CSMD1: variants seen among roughly 807,000 people sequenced by gnomAD.
CSMD1 encodes the protein CUB and sushi domain-containing protein 1.
In CSMD1, 213 loss-of-function variants were observed where a neutral mutation model predicts 417.5. That is an observed-to-expected ratio of 0.51 (90% CI 0.46 to 0.57). The LOEUF (loss-of-function observed/expected upper bound fraction) is 0.57, where lower values mean the gene tolerates loss of function less well. Among genes scored for constraint, CSMD1 ranks in the 20% least tolerant of loss-of-function variants. The pLI is 0.00. For synonymous variants in CSMD1, 2,862 were observed against 1,736.8 expected (o/e 1.65, Z -16.11); for missense variants, 6,923 against 4,529.7 (o/e 1.53, Z -15.17).
At chr8:2,990,567 C>G (rs1044589293) in intron 54 of CSMD1, among the ~76,000 whole-genome samples, 4 of 152,132 alleles carry the variant, frequency 2.6e-5, no homozygotes, top group Admixed American at 1.3e-4. Context: ...TTCAAGCTGA[C>G]CAGACCACCC....
intron 33 of CSMD1, among the ~76,000 whole-genome samples, chr8:3,192,049 T>C (rs1279422025): frequency 2.0e-5 from 3 of 152,198 alleles, no homozygotes; most frequent in Non-Finnish European, 2.9e-5. Flanking sequence ...ATTATTTGGG[T>C]AACTGCTGCT....
At chr8:4,491,893 G>C (rs1154090) in intron 2 of CSMD1, among the ~76,000 whole-genome samples, 129,024 of 152,180 alleles carry the variant, frequency 0.85, 55,096 homozygotes, top group Middle Eastern at 0.94. Context: ...GAGTTGAAAA[G>C]TTATGTTCAC....
chr8:3,730,025 C>G (rs1322752755), intron 6 of CSMD1, among the ~76,000 whole-genome samples: 4 of 147,038 alleles, frequency 2.7e-5, no homozygotes, highest in Admixed American at 2.0e-4. Context: ...AATCTTTGGT[C>G]GAAGCGCTGC....
At chr8:4,934,918 A>T (rs1470339343) in intron 1 of CSMD1, among the ~76,000 whole-genome samples, 1 of 152,218 alleles carries the variant, frequency 6.6e-6, no homozygotes, top group Non-Finnish European at 1.5e-5. Flanking sequence ...TGTATCAATC[A>T]GCAATCATCC....
In CSMD1 at chr8:4,328,631, C is replaced by G. The variant is rs78611440; in HGVS notation, c.415+91322G>C. Among the ~76,000 whole-genome samples the G allele has an allele frequency of 6.4e-3, 958 of 149,454 alleles. 7 individuals carry two copies. The highest frequency in any genetic ancestry group is 0.023 in the African/African-American group (919 of 40,174). ...TGTTTTGAAATATTTACCATGCTTACTTACCAAGAATAACATCACTTTTTC... is the reference window on the plus strand; with the variant it reads ...TGTTTTGAAATATTTACCATGCTTAGTTACCAAGAATAACATCACTTTTTC... On this transcript the variant is annotated intron_variant, in intron 3 of 69. Transcript: ENST00000635120.
At chr8:4,892,225 C>T (rs924037890) in intron 1 of CSMD1, among the ~76,000 whole-genome samples, 2 of 152,048 alleles carry the variant, frequency 1.3e-5, no homozygotes, top group Non-Finnish European at 2.9e-5. Context: ...AATACATTGC[C>T]AATAAAATAG....
At chr8:3,835,983 A>T (rs1286864412) in intron 5 of CSMD1, among the ~76,000 whole-genome samples, 1 of 151,898 alleles carries the variant, frequency 6.6e-6, no homozygotes, top group East Asian at 1.9e-4. Context: ...CTCTCTTATT[A>T]TTTCTATAAG....
intron 49 of CSMD1, among the ~76,000 whole-genome samples, chr8:3,078,163 T>C (rs11998622): frequency 0.34 from 52,476 of 152,116 alleles, 9,182 homozygotes; most frequent in East Asian, 0.42. Flanking sequence ...GATTCTTTTA[T>C]AAAATATTAT....
intron 26 of CSMD1, among the ~76,000 whole-genome samples, chr8:3,263,356 G>A (rs1485259087): frequency 1.3e-5 from 2 of 152,118 alleles, no homozygotes; most frequent in African/African-American, 4.8e-5. Flanking sequence ...GCCTTGACCT[G>A]CCAAAGTGCT....
chr8:3,275,862 C>A lies in CSMD1; in HGVS notation c.4153+8282G>T, dbSNP rs183595331. Among the ~76,000 whole-genome samples the A allele has an allele frequency of 1.7e-3, 261 of 152,140 alleles. 1 individual carries two copies. Among genetic ancestry groups the A allele is most frequent in the African/African-American group, 5.9e-3 (243 of 41,496 alleles). The stretch of plus-strand genomic sequence containing the variant: ...TTTTTCATAGTTTTCAACTTCTTTG[C>A]CTTTGGTTTGAATGTCCTCCTGTAG... On this transcript the variant is annotated intron_variant, in intron 26 of 69. Transcript: ENST00000635120.
At chr8:4,264,964 T>G (rs1399721815) in intron 3 of CSMD1, among the ~76,000 whole-genome samples, 1 of 152,156 alleles carries the variant, frequency 6.6e-6, no homozygotes, top group Non-Finnish European at 1.5e-5. Context: ...CAGGATAAAA[T>G]ATGCAGCTGA....
At chr8:3,817,191 A>G (rs1801422324) in intron 5 of CSMD1, among the ~76,000 whole-genome samples, 1 of 147,356 alleles carries the variant, frequency 6.8e-6, no homozygotes, top group Non-Finnish European at 1.5e-5. Flanking sequence ...CCCCAATGAA[A>G]ATGGTCAATT....
At chr8:3,105,006 A>C (rs1816032753) in intron 46 of CSMD1, among the ~76,000 whole-genome samples, 2 of 152,244 alleles carry the variant, frequency 1.3e-5, no homozygotes, top group Admixed American at 1.3e-4. Context: ...GCGCCCGGCC[A>C]GTTATCAGAC....
chr8:4,203,578 G>T (rs771515023), intron 3 of CSMD1, among the ~76,000 whole-genome samples: 1 of 152,098 alleles, frequency 6.6e-6, no homozygotes, highest in African/African-American at 2.4e-5. Flanking sequence ...CAGTGTAGCT[G>T]GGAGACTTAG....
At chr8:3,565,203 T>TAGATAGAC (rs1554471755) in intron 10 of CSMD1, among the ~76,000 whole-genome samples, 1 of 106,870 alleles carries the variant, frequency 9.4e-6, no homozygotes, top group Non-Finnish European at 1.8e-5. Flanking sequence ...GATAGACAGA[T>TAGATAGAC]AGATAGATAG....
chr8:3,509,726 C>A (rs551727947), intron 10 of CSMD1, among the ~76,000 whole-genome samples: 32 of 152,248 alleles, frequency 2.1e-4, no homozygotes, highest in African/African-American at 7.2e-4. Flanking sequence ...TATTAATTAA[C>A]AGAATAATCA....
At chr8:3,618,521 A>G (rs149898672) in intron 7 of CSMD1, among the ~76,000 whole-genome samples, 8 of 152,120 alleles carry the variant, frequency 5.3e-5, no homozygotes, top group African/African-American at 1.9e-4. Context: ...TGTGACAATT[A>G]TATTGAATTC....
At chr8:4,890,887 C>T (rs1183488346) in intron 1 of CSMD1, among the ~76,000 whole-genome samples, 1 of 152,112 alleles carries the variant, frequency 6.6e-6, no homozygotes, top group South Asian at 2.1e-4. Flanking sequence ...TTCAGCCAAA[C>T]CCCTAGAGCT....
intron 4 of CSMD1, among the ~76,000 whole-genome samples, chr8:4,024,682 T>A (rs1796971199): frequency 6.6e-6 from 1 of 152,160 alleles, no homozygotes; most frequent in African/African-American, 2.4e-5. Context: ...ACTGCATAAA[T>A]GTGACTTGTG....
Sources: gnomAD v4.1 joint callset for allele counts (sites outside exome capture counted in the v4.1 genomes callset) on GRCh38, gnomAD v4.1.1 for gene constraint, MANE v1.5 for transcripts, NCBI Gene and HGNC (gene_info 2026-07-23, HGNC 2026-07-21) for gene names.